Variants in SH3KBP1 observed in about 807,000 individuals in gnomAD.
SH3KBP1 encodes SH3 domain containing kinase binding protein 1.
Under a neutral mutation model 50.1 loss-of-function variants are expected in SH3KBP1, and 8 were observed. The observed-to-expected ratio is 0.16, with a 90% CI of 0.09 to 0.29. The LOEUF (loss-of-function observed/expected upper bound fraction) is 0.29. SH3KBP1 is among the 10% of genes least tolerant of loss of function. SH3KBP1 has a pLI of 1.00. For synonymous variants in SH3KBP1, 227 were observed against 218.6 expected, an observed-to-expected ratio of 1.04 and a Z score of -0.34; for missense variants, 377 against 535.2, an observed-to-expected ratio of 0.70 and a Z score of 2.92.
chrX:19,551,082 C>A (rs1307214719), intron 13 of SH3KBP1, among the ~76,000 whole-genome samples: 1 of 111,628 alleles, frequency 9.0e-6, no homozygotes, highest in Non-Finnish European at 1.9e-5. Flanking sequence ...CAGCTTTATT[C>A]TATTAATGAA....
chrX:19,638,070 C>T (rs1262676546), intron 7 of SH3KBP1, among the ~76,000 whole-genome samples: 2 of 106,266 alleles, frequency 1.9e-5, no homozygotes, highest in Non-Finnish European at 3.9e-5. Flanking sequence ...CAGCAAAATT[C>T]CATCTCCAAA....
chrX:19,694,954 T>A, intron 5 of SH3KBP1: 1 of 1,114,299 alleles, frequency 9.0e-7, no homozygotes, highest in African/African-American at 1.8e-5. Context: ...ACGCCCACAG[T>A]TGGGTTAGTG....
At chrX:19,731,667 T>C (rs896023924) in intron 3 of SH3KBP1, among the ~76,000 whole-genome samples, 19 of 112,245 alleles carry the variant, frequency 1.7e-4, no homozygotes, top group African/African-American at 6.1e-4. Flanking sequence ...TGTAACTTAA[T>C]AAGTTAGTTC....
At chrX:19,622,288 A>G (rs186486744) in intron 8 of SH3KBP1, among the ~76,000 whole-genome samples, 123 of 112,537 alleles carry the variant, frequency 1.1e-3, no homozygotes, top group African/African-American at 3.8e-3. Flanking sequence ...GCAGAGCCCA[A>G]ATCACATTAG....
chrX:19,766,864 C>G (rs988589729), intron 2 of SH3KBP1, among the ~76,000 whole-genome samples: 2 of 110,753 alleles, frequency 1.8e-5, no homozygotes, highest in Non-Finnish European at 3.8e-5. Context: ...CTTTTGTTGC[C>G]CATGTGCTTC....
chrX:19,726,677 G>A (rs781055435), intron 3 of SH3KBP1, among the ~76,000 whole-genome samples: 2 of 111,341 alleles, frequency 1.8e-5, no homozygotes, highest in African/African-American at 6.5e-5. Context: ...GACAACACTT[G>A]ACACAGCGCA....
chrX:19,798,422 GGCTGAATATA>G (rs2066787163), intron 2 of SH3KBP1, among the ~76,000 whole-genome samples: 1 of 110,777 alleles, frequency 9.0e-6, no homozygotes, highest in Admixed American at 9.6e-5. Context: ...CCCTCCCTCT[GGCTGAATATA>G]GGTTTTAATA....
Position 19,836,293 on chromosome X carries a change from C to A in SH3KBP1, c.5-11G>T. 1 of 1,201,109 alleles carries A rather than the reference C, an allele frequency of 8.3e-7. No homozygotes were observed. Among genetic ancestry groups the A allele is most frequent in the Non-Finnish European group, 1.1e-6 (1 of 887,687 alleles). On this transcript the variant is annotated splice_polypyrimidine_tract_variant and intron_variant, in intron 1 of 17. Transcript: ENST00000397821. ...CCACTATGGCCTCCACTGGAAGGAACAGGGAAAACAGAGTAATTTAGGTCA... is the reference window on the plus strand; with the variant it reads ...CCACTATGGCCTCCACTGGAAGGAAAAGGGAAAACAGAGTAATTTAGGTCA...
At chrX:19,874,086 T>TATATATATATATATATATAA (rs1206834816) in intron 1 of SH3KBP1, among the ~76,000 whole-genome samples, 2 of 86,466 alleles carry the variant, frequency 2.3e-5, no homozygotes, top group African/African-American at 1.0e-4. Flanking sequence ...TATATATATA[T>TATATATATATATATATATAA]AAAACTCTAA....
At chrX:19,691,354 C>A (rs55803012) in intron 5 of SH3KBP1, among the ~76,000 whole-genome samples, 23,434 of 80,663 alleles carry the variant, frequency 0.29, 3,367 homozygotes, top group African/African-American at 0.45. Context: ...CTCTCTCTCT[C>A]TCTATATATA....
In SH3KBP1 at chrX:19,706,936, T is replaced by C; in HGVS notation, c.335A>G (p.Gln112Arg). The change falls in exon 4 of 18, where the codon CAG (glutamine) becomes CGG (arginine). Residue 112 changes from glutamine (Q) to arginine (R), a missense_variant. Around this residue, in one of 3 missense-constraint regions of SH3KBP1, gnomAD observed 257 missense variants for 374.2 expected, o/e 0.69. Transcript: ENST00000397821. ...TTTCAGCTCAAGTTCATCGTCATTC[T>C]GGGGCAGGTAGCTGAATGCCACCTG... ...RCQVAFSYLP[Q>R]NDDELELKVG... is the part of the protein sequence containing the mutation. 7 of 1,212,092 alleles carry C rather than the reference T, an allele frequency of 5.8e-6. No individual in the cohort carries two copies. The highest frequency in any genetic ancestry group is 7.8e-6 in the Non-Finnish European group (7 of 895,477).
intron 2 of SH3KBP1, among the ~76,000 whole-genome samples, chrX:19,758,626 T>A (rs1364899332): frequency 9.0e-6 from 1 of 111,416 alleles, no homozygotes; most frequent in African/African-American, 3.3e-5. Context: ...TCTCACTACA[T>A]CATACCTAGT....
intron 6 of SH3KBP1, among the ~76,000 whole-genome samples, chrX:19,653,100 C>T (rs1428032081): frequency 1.8e-5 from 2 of 111,525 alleles, no homozygotes; most frequent in Non-Finnish European, 3.8e-5. Flanking sequence ...AGCGATCCTC[C>T]CACCTCAGCC....
At chrX:19,620,376 T>A (rs570920540) in intron 8 of SH3KBP1, among the ~76,000 whole-genome samples, 1 of 112,330 alleles carries the variant, frequency 8.9e-6, no homozygotes, top group African/African-American at 3.2e-5. Context: ...AATTCCTATC[T>A]TCCACTTCCA....
At chrX:19,829,336 G>C (rs968628842) in intron 2 of SH3KBP1, among the ~76,000 whole-genome samples, 2 of 111,194 alleles carry the variant, frequency 1.8e-5, no homozygotes, top group Admixed American at 1.9e-4. Flanking sequence ...CAAAATTCTA[G>C]TACAGGCAAA....
chrX:19,695,524 C>T, intron 5 of SH3KBP1, 88 bp downstream of exon 5: 11 of 1,088,745 alleles, frequency 1.0e-5, no homozygotes, highest in South Asian at 1.0e-4. Context: ...TATAGCCTCT[C>T]GGCATAGGAT....
At chrX:19,880,368 T>C (rs1317917422) in intron 1 of SH3KBP1, among the ~76,000 whole-genome samples, 3 of 112,408 alleles carry the variant, frequency 2.7e-5, no homozygotes, top group Non-Finnish European at 5.6e-5. Context: ...CATTAACATA[T>C]GGCACTTACT....
intron 5 of SH3KBP1, among the ~76,000 whole-genome samples, chrX:19,693,486 T>C (rs2063346653): frequency 8.9e-6 from 1 of 111,822 alleles, no homozygotes; most frequent in Non-Finnish European, 1.9e-5. Flanking sequence ...TAGGGGACCA[T>C]GCCTCTCCAG....
intron 4 of SH3KBP1, among the ~76,000 whole-genome samples, chrX:19,705,256 T>A (rs768629583): frequency 2.2e-4 from 25 of 112,593 alleles, no homozygotes; most frequent in Non-Finnish European, 4.3e-4. Context: ...CCTAATATTT[T>A]CACATACTAC....
Sources: allele counts gnomAD v4.1 joint callset (sites outside exome capture counted in the v4.1 genomes callset), GRCh38; gene constraint gnomAD v4.1.1; regional missense constraint gnomAD v4.1.1; transcripts MANE v1.5; gene names NCBI Gene and HGNC (gene_info 2026-07-23, HGNC 2026-07-21).